Variants in ZSWIM5 observed in about 807,000 individuals in gnomAD.
ZSWIM5 encodes zinc finger SWIM domain-containing protein 5.
A neutral mutation model predicts 119.6 loss-of-function variants in ZSWIM5; 55 were observed. That is an observed-to-expected ratio of 0.46 (90% CI 0.37 to 0.58). The LOEUF is 0.58. ZSWIM5 is among the 20% of genes least tolerant of loss of function. The pLI is 0.00. For missense variants in ZSWIM5, 1,193 were observed against 1,512.8 expected (o/e 0.79, Z 3.51); for synonymous variants, 537 against 606.9 (o/e 0.88, Z 1.69).
intron 1 of ZSWIM5, among the ~76,000 whole-genome samples, chr1:45,170,775 G>C (rs1645941825): frequency 6.7e-6 from 1 of 149,710 alleles, no homozygotes; most frequent in African/African-American, 2.5e-5. Context: ...ATGGGGTCTT[G>C]CTTTGTTGCC....
chr1:45,180,265 C>A (rs1265694836), intron 1 of ZSWIM5, among the ~76,000 whole-genome samples: 1 of 152,144 alleles, frequency 6.6e-6, no homozygotes, highest in Non-Finnish European at 1.5e-5. Context: ...TAGGAAACGG[C>A]ACACCAGGAG....
chr1:45,039,099 A>T (rs1645003363), intron 7 of ZSWIM5, 26 bp from the exon 8 acceptor site: 1 of 1,613,162 alleles, frequency 6.2e-7, no homozygotes, highest in African/African-American at 1.3e-5. Flanking sequence ...TTAAAATTTT[A>T]GACAGTGATA....
chr1:45,190,696 C>T (rs866470954), intron 1 of ZSWIM5, among the ~76,000 whole-genome samples: 2 of 152,122 alleles, frequency 1.3e-5, no homozygotes, highest in African/African-American at 4.8e-5. Flanking sequence ...CTGCCCTCAA[C>T]CAAAGTATCA....
chr1:45,131,502 C>T (rs1187803734), intron 1 of ZSWIM5, among the ~76,000 whole-genome samples: 1 of 151,750 alleles, frequency 6.6e-6, no homozygotes, highest in Non-Finnish European at 1.5e-5. Flanking sequence ...GGTGGGTGGA[C>T]CACTTAAGCT....
chr1:45,144,322 G>A (rs1645748214), intron 1 of ZSWIM5, among the ~76,000 whole-genome samples: 1 of 151,548 alleles, frequency 6.6e-6, no homozygotes, highest in African/African-American at 2.4e-5. Context: ...GAGGCCAGGA[G>A]TTCGAGACCA....
intron 3 of ZSWIM5, among the ~76,000 whole-genome samples, chr1:45,059,523 G>A (rs563485772): frequency 8.5e-5 from 13 of 152,242 alleles, no homozygotes; most frequent in South Asian, 4.1e-4. Flanking sequence ...TAGAGGACAA[G>A]GGAGGGATAG....
At chr1:45,022,016 C>T (rs1162356994) in intron 11 of ZSWIM5, among the ~76,000 whole-genome samples, 3 of 39,626 alleles carry the variant, frequency 7.6e-5, no homozygotes, top group Non-Finnish European at 1.5e-4. Context: ...AGTGAGACTC[C>T]GTCTCAAAAA....
intron 2 of ZSWIM5, among the ~76,000 whole-genome samples, chr1:45,068,103 TTTTC>T (rs1186468809): frequency 1.9e-5 from 1 of 52,854 alleles, no homozygotes. Flanking sequence ...TTTTTTTTTT[TTTTC>T]TTTTTTTTTT....
At chr1:45,178,656 A>G (rs1266916753) in intron 1 of ZSWIM5, among the ~76,000 whole-genome samples, 1 of 152,156 alleles carries the variant, frequency 6.6e-6, no homozygotes, top group African/African-American at 2.4e-5. Flanking sequence ...AATGTAATTT[A>G]TATTAGATTT....
rs185513452 is a variant in ZSWIM5 at position 45,023,769 on chromosome 1, C to A, written c.2450-2981G>T. On this transcript the variant is annotated intron_variant, in intron 11 of 13. Transcript: ENST00000359600. ...GGTCATACAGTAATACTATGTTGATCTTTGTAAAAAAAAGACCAAACTGTC... is the reference window on the plus strand; with the variant it reads ...GGTCATACAGTAATACTATGTTGATATTTGTAAAAAAAAGACCAAACTGTC... Among the ~76,000 whole-genome samples, 313 of 152,162 alleles carry A rather than the reference C, an allele frequency of 2.1e-3. 1 individual carries two copies. The highest frequency in any genetic ancestry group is 7.2e-3 in the African/African-American group (297 of 41,512).
At chr1:45,032,387 C>T (rs1006193470) in intron 11 of ZSWIM5, among the ~76,000 whole-genome samples, 6 of 152,144 alleles carry the variant, frequency 3.9e-5, no homozygotes, top group African/African-American at 1.4e-4. Flanking sequence ...GCCTTGGCCT[C>T]CTAAAGTGCT....
chr1:45,070,094 G>A (rs1645212293), intron 2 of ZSWIM5: 1 of 971,746 alleles, frequency 1.0e-6, no homozygotes, highest in African/African-American at 1.6e-5. Flanking sequence ...TGAGTTTTGG[G>A]ATATTTGGTG....
intron 11 of ZSWIM5, among the ~76,000 whole-genome samples, chr1:45,031,839 C>CAAAAAAA (rs71040536): frequency 3.0e-5 from 3 of 98,934 alleles, no homozygotes; most frequent in Admixed American, 1.1e-4. Context: ...GACTCCATCT[C>CAAAAAAA]AAAAAAAAAA....
At position 45,186,827 on chromosome 1, in the gene ZSWIM5, G is replaced by A. The variant is rs193042366; in HGVS notation, c.595+18929C>T. Among the ~76,000 whole-genome samples, 1,226 of 152,174 alleles carry A rather than the reference G, an allele frequency of 8.1e-3. 4 individuals carry two copies. Among genetic ancestry groups the A allele is most frequent in the Non-Finnish European group, 0.014 (932 of 68,024 alleles). On this transcript the variant is annotated intron_variant, in intron 1 of 13. Transcript: ENST00000359600. ...GCTGGTCTCGAACTCCTGGCTTCAA[G>A]TGATCTACCTGCCCTAGTCCTCCCA...
intron 1 of ZSWIM5, among the ~76,000 whole-genome samples, chr1:45,153,093 T>TAAAAAAAAAAAAAAAG (rs1645806814): frequency 9.4e-6 from 1 of 105,868 alleles, no homozygotes; most frequent in African/African-American, 3.2e-5. Context: ...ATTAAAAAGT[T>TAAAAAAAAAAAAAAAG]AAAAAAAAAA....
chr1:45,148,810 T>C (rs1645777961), intron 1 of ZSWIM5, among the ~76,000 whole-genome samples: 1 of 152,208 alleles, frequency 6.6e-6, no homozygotes, highest in Admixed American at 6.5e-5. Flanking sequence ...TCCTCAAAGG[T>C]AGACACTGAA....
intron 11 of ZSWIM5, among the ~76,000 whole-genome samples, chr1:45,031,641 C>T (rs1289597529): frequency 6.6e-6 from 1 of 151,698 alleles, no homozygotes; most frequent in Non-Finnish European, 1.5e-5. Context: ...AGATCGAGAC[C>T]ATCCTGGCAA....
intron 1 of ZSWIM5, among the ~76,000 whole-genome samples, chr1:45,192,271 C>T (rs966560018): frequency 2.6e-5 from 4 of 152,172 alleles, no homozygotes; most frequent in African/African-American, 9.6e-5. Context: ...TTCAACAGAA[C>T]AGTAACTCTT....
chr1:45,177,394 G>A (rs1228770470), intron 1 of ZSWIM5, among the ~76,000 whole-genome samples: 2 of 152,020 alleles, frequency 1.3e-5, no homozygotes, highest in East Asian at 1.9e-4. Flanking sequence ...TATACACAGG[G>A]AATTTAAGGT....
Sources: allele counts gnomAD v4.1 joint callset (sites outside exome capture counted in the v4.1 genomes callset), GRCh38; gene constraint gnomAD v4.1.1; transcripts MANE v1.5; gene names NCBI Gene and HGNC (gene_info 2026-07-23, HGNC 2026-07-21).